FRYL: variants seen among roughly 807,000 people sequenced by gnomAD.
FRYL encodes the protein protein furry homolog-like.
In FRYL, 150 loss-of-function variants were observed where a neutral mutation model predicts 351.2. That is an observed-to-expected ratio of 0.43 (90% CI 0.37 to 0.49). The LOEUF (loss-of-function observed/expected upper bound fraction) is 0.49, where lower values mean the gene tolerates loss of function less well. Ranked by LOEUF, FRYL falls within the 20% of genes least tolerant of loss-of-function variation. FRYL has a pLI of 0.00. For missense variants in FRYL, 3,036 were observed against 3,619.3 expected (o/e 0.84, Z 4.13); for synonymous variants, 1,153 against 1,257.1 (o/e 0.92, Z 1.75).
At position 48,590,675 on chromosome 4, in the gene FRYL, T is replaced by C. The variant is rs1199494148; in HGVS notation, c.1491A>G (p.Glu497=). The C allele has an allele frequency of 6.2e-7, 1 of 1,607,128 alleles. No homozygotes were observed. The highest frequency in any genetic ancestry group is 1.7e-5 in the Admixed American group (1 of 59,340). The change falls in exon 17 of 64, where the codon GAA becomes GAG. Residue 497 remains glutamate (E), a synonymous_variant. Transcript: ENST00000358350. ...KIFLNKTLTD[E]EAKVIGMSVY... ...TAAACTAACCTATGACTTTTGCTTC[T>C]TCATCTGTCAAGGTTTTATTGAGAA...
intron 3 of FRYL, among the ~76,000 whole-genome samples, chr4:48,682,627 C>A (rs1228321300): frequency 6.6e-6 from 1 of 152,114 alleles, no homozygotes; most frequent in Non-Finnish European, 1.5e-5. Flanking sequence ...AGACACTTCT[C>A]AAAAGAAGAC....
At chr4:48,722,185 T>C (rs1769552823) in intron 1 of FRYL, among the ~76,000 whole-genome samples, 1 of 152,312 alleles carries the variant, frequency 6.6e-6, no homozygotes, top group African/African-American at 2.4e-5. Flanking sequence ...TCAAGGGTAG[T>C]GCCTGAGGAC....
In FRYL at chr4:48,528,052, GA is replaced by G. The variant is rs571648621; in HGVS notation, c.7066-8del. 11,543 of 1,211,052 alleles carry G rather than the reference GA, an allele frequency of 9.5e-3. No individual in the cohort carries two copies. The highest frequency in any genetic ancestry group is 0.022 in the South Asian group (1,270 of 58,932). The allele number at this position is 1,211,052 out of a possible 1,614,324, so 75.0% of individuals were successfully genotyped here. A position where few individuals can be genotyped will look rare whatever the true frequency, so the allele number is the denominator to read the frequency against. ...GCTTTTCTCTTGTTCTTCGCTAAAG[GA>G]AAAAAAAAAATTAAAATGTTAGGAC... On this transcript the variant is annotated splice_polypyrimidine_tract_variant and splice_region_variant and intron_variant, in intron 51 of 63. Transcript: ENST00000358350.
At position 48,566,407 on chromosome 4, in the gene FRYL, TG is replaced by T. The variant is rs550680620; in HGVS notation, c.3170-717del. Among the ~76,000 whole-genome samples, 3 of 124,186 alleles carry T rather than the reference TG, an allele frequency of 2.4e-5. No individual in the cohort carries two copies. In the South Asian group the frequency reaches 7.3e-4, roughly 30 times the overall value. 81.5% of individuals were successfully genotyped at this position (124,186 alleles called of 152,430 possible). A position where few individuals can be genotyped will look rare whatever the true frequency, so the allele number is the denominator to read the frequency against. ...TCAGCAGTATCACAATAAACCAATG[TG>T]GAAGTTGTAAAAAAGTGTTTAGTAA... On this transcript the variant is annotated intron_variant, in intron 28 of 63. Transcript: ENST00000358350.
chr4:48,729,362 T>C (rs1349374513), intron 1 of FRYL, among the ~76,000 whole-genome samples: 5 of 152,246 alleles, frequency 3.3e-5, no homozygotes, highest in African/African-American at 1.2e-4. Context: ...TGTCCCTGTC[T>C]GACAGCTCTG....
rs1578141877 is a variant in FRYL at position 48,564,799 on chromosome 4, T to C, written c.3441+134A>G. 3 of 521,638 alleles carry C rather than the reference T, an allele frequency of 5.8e-6. No homozygotes were observed. In the East Asian group the frequency reaches 9.6e-5, roughly 17 times the overall value. The allele number at this position is 521,638 out of a possible 1,614,324, so 32.3% of individuals were successfully genotyped here. A position where few individuals can be genotyped will look rare whatever the true frequency, so the allele number is the denominator to read the frequency against. Reference sequence around the variant, plus strand: ...CATTATGGGATCCTATTTAACTTTATATAATATGCTTTTTGCATATGATCC... The same window carrying C: ...CATTATGGGATCCTATTTAACTTTACATAATATGCTTTTTGCATATGATCC... On this transcript the variant is annotated intron_variant, in intron 30 of 63. Transcript: ENST00000358350.
intron 47 of FRYL, among the ~76,000 whole-genome samples, chr4:48,539,516 GC>G (rs920808079): frequency 1.3e-5 from 2 of 151,888 alleles, no homozygotes; most frequent in Admixed American, 1.3e-4. Context: ...TGAGTATTCT[GC>G]CCCCCACCCT....
rs776281646 is a variant in FRYL at position 48,575,176 on chromosome 4, G to A, written c.2787C>T (p.Ser929=). ...GAACAAGGGATTCTGTGATTTCCATGCTCTCAGAACGCATCATTGGAACTA... is the reference window on the plus strand; with the variant it reads ...GAACAAGGGATTCTGTGATTTCCATACTCTCAGAACGCATCATTGGAACTA... ...KHIVPMMRSE[S]MEITESLVLG... Residue 929 remains serine, a synonymous_variant, in exon 25 of 64, where the codon AGC becomes AGT. Coordinates refer to ENST00000358350, the MANE Select transcript of FRYL (RefSeq NM_015030.2). 2 of 1,613,574 alleles carry A rather than the reference G, an allele frequency of 1.2e-6. No individual in the cohort carries two copies. Among genetic ancestry groups the A allele is most frequent in the African/African-American group, 2.7e-5 (2 of 74,880 alleles).
At chr4:48,753,960 C>T (rs182749499) in intron 1 of FRYL, among the ~76,000 whole-genome samples, 51 of 152,158 alleles carry the variant, frequency 3.4e-4, no homozygotes, top group Admixed American at 3.3e-3. Flanking sequence ...TTCAAGGGAC[C>T]ATAAATGTAA....
chr4:48,513,634 C>T (rs189040071), intron 56 of FRYL, among the ~76,000 whole-genome samples: 1 of 152,302 alleles, frequency 6.6e-6, no homozygotes, highest in East Asian at 1.9e-4. Flanking sequence ...TGCATATGGT[C>T]TTCCATATGC....
chr4:48,598,200 G>GA (rs1745003557), intron 13 of FRYL, among the ~76,000 whole-genome samples: 1 of 152,088 alleles, frequency 6.6e-6, no homozygotes, highest in South Asian at 2.1e-4. Context: ...CCCTCTCTCT[G>GA]AAAAAATTAA....
chr4:48,709,348 C>T (rs1231360513), intron 2 of FRYL, among the ~76,000 whole-genome samples: 2 of 151,944 alleles, frequency 1.3e-5, no homozygotes, highest in East Asian at 1.9e-4. Flanking sequence ...ATGAGAGCCA[C>T]TAATATGATA....
intron 62 of FRYL, among the ~76,000 whole-genome samples, 170 bp from the exon 63 acceptor site, chr4:48,500,390 G>C (rs1425075102): frequency 6.6e-6 from 1 of 152,140 alleles, no homozygotes; most frequent in African/African-American, 2.4e-5. Flanking sequence ...CATTCTGTAG[G>C]AGCAAATAAA....
intron 1 of FRYL, among the ~76,000 whole-genome samples, chr4:48,768,422 T>C (rs1269069728): frequency 1.3e-5 from 2 of 152,230 alleles, no homozygotes; most frequent in East Asian, 1.9e-4. Flanking sequence ...AAAGTGATTA[T>C]TTTGTAAAAC....
Position 48,623,944 on chromosome 4 carries a change from C to T in FRYL, c.121-765G>A, listed in dbSNP as rs538207999. 2.6e-5 allele frequency among the ~76,000 whole-genome samples: 4 copies of T among 151,992 alleles called. No individual in the cohort carries two copies. In the South Asian group the frequency reaches 6.2e-4, roughly 24 times the overall value. ...TATATGTAAAAGAACCATGTGTTTA[C>T]CAGTGGGGAGAGAAATTTGATAGTT... On this transcript the variant is annotated intron_variant, in intron 4 of 63. Coordinates refer to ENST00000358350, the MANE Select transcript of FRYL (RefSeq NM_015030.2).
rs1725358706 is a variant in FRYL, at chr4:48,523,651, G to A, written c.7318-547C>T. 2.0e-5 allele frequency among the ~76,000 whole-genome samples: 3 copies of A among 152,306 alleles called. No individual in the cohort carries two copies. The East Asian group carries it at 5.8e-4, about 29-fold the overall frequency. ...AGCTTTGTGCAGAAAGTCAACATGT[G>A]ATTCAAATCTTTTTTTATGCAAAAT... On this transcript the variant is annotated intron_variant, in intron 53 of 63. Transcript: ENST00000358350.
At chr4:48,592,532 A>G (rs1183600211) in intron 16 of FRYL, among the ~76,000 whole-genome samples, 1 of 152,196 alleles carries the variant, frequency 6.6e-6, no homozygotes, top group Admixed American at 6.5e-5. Flanking sequence ...GAAGAAAAAA[A>G]CTTACTTTCA....
intron 60 of FRYL, among the ~76,000 whole-genome samples, chr4:48,503,359 A>C (rs1720152144): frequency 6.6e-6 from 1 of 152,186 alleles, no homozygotes; most frequent in African/African-American, 2.4e-5. Context: ...CCTATCCTTT[A>C]CTGTCTAATT....
At position 48,544,695 on chromosome 4, in the gene FRYL, T is replaced by C. The variant is rs992572009; in HGVS notation, c.5401+88A>G. The C allele has an allele frequency of 1.5e-4, 166 of 1,075,882 alleles. 1 individual carries two copies. The highest frequency in any genetic ancestry group is 1.7e-5 in the Non-Finnish European group (13 of 763,008). 66.6% of individuals were successfully genotyped at this position (1,075,882 alleles called of 1,614,324 possible). On this transcript the variant is annotated intron_variant, in intron 43 of 63. Transcript: ENST00000358350. ...TCTAAAACTTTTAGAGGTATCACAA[T>C]ATCAACTATTAACTTTTTGCTAAGC... is the stretch of plus-strand genomic sequence containing the variant.
Sources: gnomAD v4.1 joint callset for allele counts (sites outside exome capture counted in the v4.1 genomes callset) on GRCh38, gnomAD v4.1.1 for gene constraint, MANE v1.5 for transcripts, NCBI Gene and HGNC (gene_info 2026-07-23, HGNC 2026-07-21) for gene names.